Variants in FRYL observed in about 807,000 individuals in gnomAD.
FRYL encodes protein furry homolog-like.
In FRYL, 150 loss-of-function variants were observed where a neutral mutation model predicts 351.2. That is an observed-to-expected ratio of 0.43 (90% CI 0.37 to 0.49). The LOEUF is 0.49. FRYL is among the 20% of genes least tolerant of loss of function. The probability of loss-of-function intolerance (pLI) is 0.00; values close to 1 mark genes in which losing one functional copy is unlikely to be tolerated. For synonymous variants in FRYL, 1,153 were observed against 1,257.1 expected (o/e 0.92, Z 1.75); for missense variants, 3,036 against 3,619.3 (o/e 0.84, Z 4.13).
intron 4 of FRYL, among the ~76,000 whole-genome samples, chr4:48,623,926 A>G (rs1311967640): frequency 6.6e-6 from 1 of 152,166 alleles, no homozygotes. Context: ...ATGTATATGT[A>G]AAAGAACCAT....
At chr4:48,735,657 T>G (rs1771261369) in intron 1 of FRYL, among the ~76,000 whole-genome samples, 1 of 8,258 alleles carries the variant, frequency 1.2e-4, no homozygotes, top group Admixed American at 1.3e-3. Flanking sequence ...AATGATGAGT[T>G]CATATCCTTG....
chr4:48,699,853 C>G (rs1766555586), intron 2 of FRYL, among the ~76,000 whole-genome samples: 1 of 152,106 alleles, frequency 6.6e-6, no homozygotes, highest in Admixed American at 6.6e-5. Flanking sequence ...GTCTACAGAT[C>G]CAGTTCCCAA....
intron 13 of FRYL, among the ~76,000 whole-genome samples, chr4:48,597,024 T>C (rs1744725380): frequency 6.6e-6 from 1 of 152,126 alleles, no homozygotes; most frequent in Non-Finnish European, 1.5e-5. Flanking sequence ...GCAGTATCAA[T>C]CCCTGTCTCC....
In FRYL at chr4:48,634,335, C is replaced by A; in HGVS notation, c.76G>T (p.Val26Phe). The A allele has an allele frequency of 6.2e-7, 1 of 1,613,624 alleles. No homozygotes were observed. The highest frequency in any genetic ancestry group is 2.2e-5 in the East Asian group (1 of 44,850). ...ACTTCAATTTTCTTTTCAGCTTGAA[C>A]AGCAAATTCTGCAAAGAGGCTCTTG... The part of the protein sequence containing the change: ...VIKSLFAEFA[V>F]QAEKKIEVVM... The change falls in exon 4 of 64, where the codon GTT becomes TTT. Residue 26 changes from valine (V) to phenylalanine (F), a missense_variant. Coordinates refer to ENST00000358350, the MANE Select transcript of FRYL (RefSeq NM_015030.2).
At chr4:48,690,617 T>C (rs1765596811) in intron 2 of FRYL, among the ~76,000 whole-genome samples, 1 of 152,198 alleles carries the variant, frequency 6.6e-6, no homozygotes, top group South Asian at 2.1e-4. Flanking sequence ...TTTTCTGTTC[T>C]TGCTTGTCAG....
At chr4:48,634,524 A>C in intron 3 of FRYL, 34 bp from the exon 4 acceptor site, 1 of 1,553,216 alleles carries the variant, frequency 6.4e-7, no homozygotes, top group Non-Finnish European at 8.8e-7. Context: ...ACTCTACTTT[A>C]ATAAATCAAC....
At position 48,557,117 on chromosome 4, in the gene FRYL, T is replaced by C; in HGVS notation, c.4127A>G (p.Tyr1376Cys). The stretch of plus-strand genomic sequence containing the variant: ...CTCCGACCAGGCCAGTTCATCGCCA[T>C]ACTAGATGCAATATGCACAAAAGAT... ...LNNLMYMTAK[Y>C]GDELAWSEVE... Residue 1376 changes from tyrosine to cysteine, a missense_variant and splice_region_variant, in exon 35 of 64, where the codon TAT becomes TGT. Transcript: ENST00000358350. 1.3e-6 allele frequency: 2 copies of C among 1,580,652 alleles called. No homozygotes were observed. Among genetic ancestry groups the C allele is most frequent in the Non-Finnish European group, 1.7e-6 (2 of 1,158,572 alleles).
intron 27 of FRYL, among the ~76,000 whole-genome samples, chr4:48,570,556 A>C (rs1042001304): frequency 6.6e-6 from 1 of 152,198 alleles, no homozygotes; most frequent in African/African-American, 2.4e-5. Context: ...TGCCAAGATA[A>C]CTAGGTTCCA....
intron 1 of FRYL, among the ~76,000 whole-genome samples, chr4:48,751,056 A>G (rs1054859764): frequency 1.3e-4 from 20 of 152,190 alleles, no homozygotes; most frequent in Non-Finnish European, 2.6e-4. Flanking sequence ...ATGCCTAGAT[A>G]AAATTAGCAA....
At chr4:48,758,818 C>G (rs1578947292) in intron 1 of FRYL, among the ~76,000 whole-genome samples, 2 of 152,326 alleles carry the variant, frequency 1.3e-5, no homozygotes, top group South Asian at 4.1e-4. Context: ...ATAGCAAAGA[C>G]TTGGAACCAA....
chr4:48,776,750 C>CT (rs1347321741), intron 1 of FRYL, among the ~76,000 whole-genome samples: 2 of 152,176 alleles, frequency 1.3e-5, no homozygotes, highest in Non-Finnish European at 2.9e-5. Context: ...AGCACATACT[C>CT]TGTCTCCCCA....
At chr4:48,525,445 C>A (rs557401202) in intron 53 of FRYL, among the ~76,000 whole-genome samples, 2 of 152,220 alleles carry the variant, frequency 1.3e-5, no homozygotes, top group South Asian at 4.1e-4. Context: ...CTGCAGGGGG[C>A]ACTGAGGCAT....
At chr4:48,749,937 AGCC>A (rs1287447926) in intron 1 of FRYL, among the ~76,000 whole-genome samples, 1 of 152,136 alleles carries the variant, frequency 6.6e-6, no homozygotes, top group African/African-American at 2.4e-5. Context: ...GTTCAAGAGC[AGCC>A]CAGGCAAAAT....
At chr4:48,667,556 A>C (rs570482569) in intron 3 of FRYL, among the ~76,000 whole-genome samples, 10 of 152,264 alleles carry the variant, frequency 6.6e-5, no homozygotes, top group African/African-American at 2.4e-4. Context: ...CAAATTAATA[A>C]ATATTTACTG....
chr4:48,742,428 C>T (rs978752294), intron 1 of FRYL, among the ~76,000 whole-genome samples: 5 of 152,160 alleles, frequency 3.3e-5, no homozygotes, highest in Admixed American at 6.5e-5. Flanking sequence ...ATTCCTAGTT[C>T]TTACTCTCCC....
intron 3 of FRYL, among the ~76,000 whole-genome samples, chr4:48,656,329 TA>T (rs1414514308): frequency 2.4e-5 from 3 of 127,582 alleles, no homozygotes; most frequent in African/African-American, 8.5e-5. Flanking sequence ...TAATATATAC[TA>T]AATATATTAT....
chr4:48,612,054 AAC>A (rs1166260505), intron 7 of FRYL, among the ~76,000 whole-genome samples: 1 of 152,204 alleles, frequency 6.6e-6, no homozygotes, highest in Non-Finnish European at 1.5e-5. Context: ...CAGATGCAGG[AAC>A]AGTTTCCTCT....
At chr4:48,672,126 C>A (rs1422464847) in intron 3 of FRYL, among the ~76,000 whole-genome samples, 6 of 152,128 alleles carry the variant, frequency 3.9e-5, no homozygotes, top group Non-Finnish European at 8.8e-5. Flanking sequence ...GAACAATTAT[C>A]AATTTTGTTG....
At chr4:48,674,676 G>T (rs1446668640) in intron 3 of FRYL, among the ~76,000 whole-genome samples, 51 of 131,124 alleles carry the variant, frequency 3.9e-4, no homozygotes, top group Non-Finnish European at 6.6e-4. Flanking sequence ...GGCGGAGCTT[G>T]CAGTGAGCCA....
Sources: gnomAD v4.1 joint callset for allele counts (sites outside exome capture counted in the v4.1 genomes callset) on GRCh38, gnomAD v4.1.1 for gene constraint, MANE v1.5 for transcripts, NCBI Gene and HGNC (gene_info 2026-07-23, HGNC 2026-07-21) for gene names.